Variants in PLA1A observed in about 807,000 individuals in gnomAD.
The protein encoded by PLA1A is phospholipase A1 member A.
A neutral mutation model predicts 49.4 loss-of-function variants in PLA1A; 47 were observed. The observed-to-expected ratio is 0.95, with a 90% CI of 0.75 to 1.21. PLA1A has a LOEUF of 1.21. Ranked by LOEUF, PLA1A falls within the 50% of genes most tolerant of loss-of-function variation. The probability of loss-of-function intolerance (pLI) is 0.00; values close to 1 mark genes in which losing one functional copy is unlikely to be tolerated. For synonymous variants in PLA1A, 224 were observed against 207.9 expected (o/e 1.08, Z -0.67); for missense variants, 561 against 563.9 (o/e 0.99, Z 0.05).
At chr3:119,618,909 A>C (rs1460149559) in intron 7 of PLA1A, among the ~76,000 whole-genome samples, 2 of 152,136 alleles carry the variant, frequency 1.3e-5, no homozygotes, top group African/African-American at 4.8e-5. Flanking sequence ...CAGCTTGACA[A>C]AATAGTAAAG....
In PLA1A at chr3:119,625,156, G is replaced by A; in HGVS notation, c.1045G>A (p.Glu349Lys). Residue 349 changes from glutamate to lysine, a missense_variant, in exon 9 of 11, where the codon GAA (glutamate) becomes AAA (lysine). Coordinates refer to ENST00000273371, the MANE Select transcript of PLA1A (RefSeq NM_015900.4). ...CAGCCTCGTGGAGTTTCACTTGAAG[G>A]AACTGAGAAACAAGGACACCAACAT... ...HHSLVEFHLK[E>K]LRNKDTNIEV... 1 of 1,613,618 alleles carries A rather than the reference G, an allele frequency of 6.2e-7. No homozygotes were observed. The highest frequency in any genetic ancestry group is 8.5e-7 in the Non-Finnish European group (1 of 1,179,562).
chr3:119,616,845 C>A, intron 6 of PLA1A, among the ~76,000 whole-genome samples: 1 of 152,214 alleles, frequency 6.6e-6, no homozygotes, highest in East Asian at 1.9e-4. Context: ...GTTTCAATGG[C>A]TTTTGAAGAT....
chr3:119,618,127 T>A lies in PLA1A; in HGVS notation c.863T>A (p.Phe288Tyr). 6.2e-7 allele frequency: 1 copy of A among 1,614,180 alleles called. No homozygotes were observed. Among genetic ancestry groups the A allele is most frequent in the Non-Finnish European group, 8.5e-7 (1 of 1,180,016 alleles). ...TTTCCCTGTGCCAGCTACAAGGCCT[T>A]CCTTGCTGGACGCTGTCTGGATTGC... The part of the protein sequence containing the change: ...MAFPCASYKA[F>Y]LAGRCLDCFN... Residue 288 changes from phenylalanine (F) to tyrosine (Y), a missense_variant, in exon 7 of 11, where the codon TTC (phenylalanine) becomes TAC (tyrosine). By Grantham distance (22) the Phe-to-Tyr change is conservative (BLOSUM62 3). Transcript: ENST00000273371.
At chr3:119,626,117 A>T (rs989707879) in intron 9 of PLA1A, among the ~76,000 whole-genome samples, 3 of 152,234 alleles carry the variant, frequency 2.0e-5, no homozygotes, top group Non-Finnish European at 2.9e-5. Context: ...ACAGGAGCCA[A>T]TACAACCCTA....
intron 10 of PLA1A, 132 bp downstream of exon 10, chr3:119,628,997 AC>A: frequency 2.5e-6 from 2 of 790,998 alleles, no homozygotes; most frequent in Non-Finnish European, 2.1e-6. Flanking sequence ...GATGACAGAC[AC>A]CCGGTGTTTT....
chr3:119,622,087 A>AAAGAAG (rs150974548), intron 8 of PLA1A, among the ~76,000 whole-genome samples: 1,291 of 114,280 alleles, frequency 0.011, 28 homozygotes, highest in African/African-American at 0.047. Flanking sequence ...GTTTCTGAAG[A>AAAGAAG]AAGAAGAAGA....
intron 9 of PLA1A, 110 bp from the exon 10 acceptor site, chr3:119,628,591 G>T: frequency 1.1e-6 from 1 of 900,618 alleles, no homozygotes; most frequent in Non-Finnish European, 1.8e-6. Flanking sequence ...CTAACCCCTT[G>T]GTGCATGACA....
intron 8 of PLA1A, among the ~76,000 whole-genome samples, chr3:119,624,283 G>T: frequency 6.6e-6 from 1 of 152,096 alleles, no homozygotes; most frequent in Non-Finnish European, 1.5e-5. Context: ...TCAAATAAGG[G>T]CCCTGCCAAT....
At chr3:119,598,014 A>T (rs186645237) in intron 1 of PLA1A, 28 bp downstream of exon 1, 1 of 1,422,702 alleles carries the variant, frequency 7.0e-7, no homozygotes. Context: ...CCTTGGGAGG[A>T]ACTTATTTCA....
At chr3:119,608,528 C>G (rs1382730881) in intron 2 of PLA1A, among the ~76,000 whole-genome samples, 1 of 152,236 alleles carries the variant, frequency 6.6e-6, no homozygotes, top group Non-Finnish European at 1.5e-5. Flanking sequence ...GAGGCTGCAT[C>G]TGCCTGGAAC....
At chr3:119,620,527 G>A (rs1351054153) in intron 8 of PLA1A, among the ~76,000 whole-genome samples, 2 of 152,110 alleles carry the variant, frequency 1.3e-5, no homozygotes, top group African/African-American at 2.4e-5. Flanking sequence ...GTGTGATCAG[G>A]AACAAGTTAT....
At chr3:119,610,597 C>T (rs1435467153) in intron 4 of PLA1A, among the ~76,000 whole-genome samples, 1 of 152,122 alleles carries the variant, frequency 6.6e-6, no homozygotes, top group Admixed American at 6.6e-5. Flanking sequence ...TTGTTAGCCA[C>T]TTGTATGTCT....
At position 119,600,384 on chromosome 3, in the gene PLA1A, A is replaced by G. The variant is rs1448143586; in HGVS notation, c.73+2398A>G. 13 of 703,000 alleles carry G rather than the reference A, an allele frequency of 1.8e-5. No homozygotes were observed. The East Asian group carries it at 3.5e-4, about 19-fold the overall frequency. The allele number at this position is 703,000 out of a possible 1,614,324, so 43.5% of individuals were successfully genotyped here. On this transcript the variant is annotated intron_variant, in intron 1 of 10. Coordinates refer to ENST00000273371, the MANE Select transcript of PLA1A (RefSeq NM_015900.4). ...GGCGTCCTCTCCTCCAGGTGGATGCACAAGTCTTCCTCCATCTGGGGTAGG... is the reference window on the plus strand; with the variant it reads ...GGCGTCCTCTCCTCCAGGTGGATGCGCAAGTCTTCCTCCATCTGGGGTAGG...
At chr3:119,609,216 G>C (rs980240772) in intron 3 of PLA1A, among the ~76,000 whole-genome samples, 1 of 152,192 alleles carries the variant, frequency 6.6e-6, no homozygotes, top group African/African-American at 2.4e-5. Context: ...TGTCCCTCAA[G>C]AGAGAATGGC....
In PLA1A at chr3:119,616,093, T is replaced by C; in HGVS notation, c.746T>C (p.Phe249Ser). 1 of 1,607,924 alleles carries C rather than the reference T, an allele frequency of 6.2e-7. No individual in the cohort carries two copies. Among genetic ancestry groups the C allele is most frequent in the Non-Finnish European group, 8.5e-7 (1 of 1,174,356 alleles). ...GQDQPGCPTF[F>S]YAGYSYLICD... ...GACCAACCTGGCTGCCCCACCTTCT[T>C]TTACGCAGGTCAGAAAGCCAGTACA... is the stretch of plus-strand genomic sequence containing the variant. The change falls in exon 6 of 11, where the codon TTT (phenylalanine) becomes TCT (serine). Residue 249 changes from phenylalanine (F) to serine (S), a missense_variant. Coordinates refer to ENST00000273371, the MANE Select transcript of PLA1A (RefSeq NM_015900.4).
intron 2 of PLA1A, among the ~76,000 whole-genome samples, chr3:119,607,992 A>T (rs192700612): frequency 1.3e-5 from 2 of 152,248 alleles, no homozygotes; most frequent in African/African-American, 4.8e-5. Flanking sequence ...ACATTTTTCT[A>T]TCATTTTCCT....
chr3:119,613,132 A>G lies in PLA1A; in HGVS notation c.664+14A>G. ...CAGACACCGACAGTGAGCTGGGGTGACCTTCCTGGGATGAGGGAATGAGCT... is the reference window on the plus strand; with the variant it reads ...CAGACACCGACAGTGAGCTGGGGTGGCCTTCCTGGGATGAGGGAATGAGCT... On this transcript the variant is annotated intron_variant, in intron 5 of 10. Coordinates refer to ENST00000273371, the MANE Select transcript of PLA1A (RefSeq NM_015900.4). 1 of 1,564,768 alleles carries G rather than the reference A, an allele frequency of 6.4e-7. No individual in the cohort carries two copies. Among genetic ancestry groups the G allele is most frequent in the Non-Finnish European group, 8.8e-7 (1 of 1,142,264 alleles).
chr3:119,607,346 G>T (rs2082702915), intron 2 of PLA1A, among the ~76,000 whole-genome samples: 1 of 152,202 alleles, frequency 6.6e-6, no homozygotes. Context: ...GTCATACCCA[G>T]AGGTTATGGG....
In PLA1A at chr3:119,608,833, T is replaced by G; in HGVS notation, c.339T>G (p.Asn113Lys). Residue 113 changes from asparagine to lysine, a missense_variant, in exon 3 of 11, where the codon AAT becomes AAG. Asn to Lys is a moderately conservative substitution (Grantham distance 94). Transcript: ENST00000273371. ...TFIRTLLRAT[N>K]ANVIAVDWIY... ...TTAGAACCCTTCTGCGTGCAACGAA[T>G]GCTAATGTGATTGCCGTGGACTGGA... 1 of 1,613,798 alleles carries G rather than the reference T, an allele frequency of 6.2e-7. No individual in the cohort carries two copies. Among genetic ancestry groups the G allele is most frequent in the Non-Finnish European group, 8.5e-7 (1 of 1,179,636 alleles).
Sources: allele counts gnomAD v4.1 joint callset (sites outside exome capture counted in the v4.1 genomes callset), GRCh38; gene constraint gnomAD v4.1.1; transcripts MANE v1.5; gene names NCBI Gene and HGNC (gene_info 2026-07-23, HGNC 2026-07-21).